CNTN6: variants seen among roughly 807,000 people sequenced by gnomAD.
The protein encoded by CNTN6 is contactin-6.
CNTN6 carries 137 observed loss-of-function variants against 122.8 expected under a neutral mutation model. The observed-to-expected ratio is 1.12, with a 90% CI of 0.97 to 1.29. The LOEUF is 1.29. Among genes scored for constraint, CNTN6 ranks in the 50% most tolerant of loss-of-function variants. The probability of loss-of-function intolerance (pLI) is 0.00; values close to 1 mark genes in which losing one functional copy is unlikely to be tolerated. For synonymous variants in CNTN6, 570 were observed against 426.0 expected (o/e 1.34, Z -4.16); for missense variants, 1,634 against 1,223.4 (o/e 1.34, Z -5.01).
intron 2 of CNTN6, among the ~76,000 whole-genome samples, chr3:1,159,124 T>C (rs2093062526): frequency 1.3e-5 from 2 of 151,704 alleles, no homozygotes. Flanking sequence ...ACCCAGGGCC[T>C]TGTAAGTCAT....
intron 4 of CNTN6, among the ~76,000 whole-genome samples, chr3:1,263,245 C>T (rs932702920): frequency 4.6e-5 from 7 of 152,166 alleles, no homozygotes; most frequent in African/African-American, 1.7e-4. Context: ...CCAAGCACTT[C>T]ATTCAAGCAC....
chr3:1,386,205 AAG>A (rs1212301033), intron 20 of CNTN6, among the ~76,000 whole-genome samples: 1 of 151,862 alleles, frequency 6.6e-6, no homozygotes, highest in African/African-American at 2.4e-5. Context: ...TCAAGATTGA[AAG>A]AGATTATTAA....
At chr3:1,260,834 A>G (rs1371806490) in intron 4 of CNTN6, among the ~76,000 whole-genome samples, 2 of 152,054 alleles carry the variant, frequency 1.3e-5, no homozygotes, top group African/African-American at 4.8e-5. Flanking sequence ...TTCTGCCATG[A>G]CTGTAAGTTT....
chr3:1,327,461 G>C lies in CNTN6; in HGVS notation c.1088G>C (p.Arg363Thr). Residue 363 changes from arginine to threonine, a missense_variant, in exon 10 of 23, where the codon AGA (arginine) becomes ACA (threonine). Transcript: ENST00000446702. ...KNGERLNPEERIQIENGTLII... is the reference protein window; with the variant it reads ...KNGERLNPEETIQIENGTLII... ...ATATGCCTTTTCCTTTATTAGGAGA[G>C]AATTCAAATAGAAAATGGGACACTC... The C allele has an allele frequency of 6.2e-7, 1 of 1,609,912 alleles. No homozygotes were observed. Among genetic ancestry groups the C allele is most frequent in the South Asian group, 1.1e-5 (1 of 90,868 alleles).
chr3:1,177,311 T>C (rs748181728), intron 2 of CNTN6, among the ~76,000 whole-genome samples: 1 of 152,216 alleles, frequency 6.6e-6, no homozygotes, highest in Non-Finnish European at 1.5e-5. Flanking sequence ...TCTACCTTAA[T>C]TTTCTCAAGT....
At chr3:1,188,027 C>A (rs914076605) in intron 2 of CNTN6, among the ~76,000 whole-genome samples, 8 of 152,098 alleles carry the variant, frequency 5.3e-5, no homozygotes, top group African/African-American at 1.9e-4. Flanking sequence ...CCTGCCAAAT[C>A]TTACTCTTTT....
At chr3:1,281,732 G>T (rs752833404) in intron 5 of CNTN6, among the ~76,000 whole-genome samples, 4 of 152,106 alleles carry the variant, frequency 2.6e-5, no homozygotes, top group African/African-American at 7.2e-5. Flanking sequence ...GCCATCGGGC[G>T]CAGCAAAGGC....
chr3:1,401,518 A>G lies in CNTN6; in HGVS notation c.2790A>G (p.Glu930=), dbSNP rs759283074. 204 of 1,611,432 alleles carry G rather than the reference A, an allele frequency of 1.3e-4. No individual in the cohort carries two copies. Among genetic ancestry groups the G allele is most frequent in the Non-Finnish European group, 1.7e-4 (196 of 1,178,330 alleles). The part of the protein sequence containing the change: ...CLNWEHVKTM[E]NESEVLGYKI... ...ACTGGGAGCATGTAAAAACCATGGAAAATGAGTCTGAAGTTTTGGGGTACA... is the reference window on the plus strand; with the variant it reads ...ACTGGGAGCATGTAAAAACCATGGAGAATGAGTCTGAAGTTTTGGGGTACA... Residue 930 remains glutamate (E), a synonymous_variant, in exon 21 of 23, where the codon GAA becomes GAG. Coordinates refer to ENST00000446702, the MANE Select transcript of CNTN6 (RefSeq NM_001289080.2).
intron 20 of CNTN6, chr3:1,394,060 A>T (rs1404418575): frequency 6.3e-6 from 1 of 159,752 alleles, no homozygotes; most frequent in African/African-American, 2.4e-5. Context: ...GTCACACAGC[A>T]ATGAAGGGGG....
chr3:1,385,849 A>C (rs1237886354), intron 20 of CNTN6, 52 bp downstream of exon 20: 1 of 1,452,318 alleles, frequency 6.9e-7, no homozygotes, highest in Non-Finnish European at 9.2e-7. Flanking sequence ...AGAGCAACCT[A>C]TTCCTTTGCT....
chr3:1,124,638 A>G (rs1434340672), intron 1 of CNTN6, among the ~76,000 whole-genome samples: 3 of 151,840 alleles, frequency 2.0e-5, no homozygotes, highest in Non-Finnish European at 4.4e-5. Context: ...CATCCCTGCT[A>G]AAGAACTTAT....
At chr3:1,303,806 T>C (rs1259831170) in intron 7 of CNTN6, among the ~76,000 whole-genome samples, 2 of 152,188 alleles carry the variant, frequency 1.3e-5, no homozygotes, top group African/African-American at 4.8e-5. Context: ...TTGAACTTTA[T>C]TTTGATAGGC....
rs182048886 is a variant in CNTN6, at chr3:1,373,528, A to G, written c.1787-76A>G. 115 of 1,431,380 alleles carry G rather than the reference A, an allele frequency of 8.0e-5. No individual in the cohort carries two copies. The African/African-American group carries it at 1.5e-3, about 19-fold the overall frequency. The allele number at this position is 1,431,380 out of a possible 1,614,324, so 88.7% of individuals were successfully genotyped here. The stretch of plus-strand genomic sequence containing the variant: ...TTTTACTTCCTAAGCACAACAGGTA[A>G]AAATAAACCATCCTAGTACCAAATT... On this transcript the variant is annotated intron_variant, in intron 14 of 22. Transcript: ENST00000446702.
At chr3:1,193,827 C>G (rs761689168) in intron 2 of CNTN6, among the ~76,000 whole-genome samples, 13 of 152,028 alleles carry the variant, frequency 8.6e-5, no homozygotes, top group African/African-American at 1.4e-4. Context: ...AAAGTCAAAG[C>G]ATAATTTATA....
chr3:1,209,078 CTCT>C (rs1201960521), intron 2 of CNTN6, among the ~76,000 whole-genome samples: 1 of 152,112 alleles, frequency 6.6e-6, no homozygotes. Context: ...TGCTAATGAA[CTCT>C]TCTTATTATA....
intron 2 of CNTN6, among the ~76,000 whole-genome samples, chr3:1,177,349 A>C (rs2093470471): frequency 6.6e-6 from 1 of 152,172 alleles, no homozygotes; most frequent in Non-Finnish European, 1.5e-5. Flanking sequence ...ATTGAAAGAG[A>C]ATAGTCTTTT....
At chr3:1,246,308 A>G (rs1212881778) in intron 4 of CNTN6, among the ~76,000 whole-genome samples, 1 of 152,140 alleles carries the variant, frequency 6.6e-6, no homozygotes, top group Non-Finnish European at 1.5e-5. Context: ...TATATAATAT[A>G]TTGCTTCAAG....
chr3:1,196,690 C>T (rs1454240402), intron 2 of CNTN6, among the ~76,000 whole-genome samples: 1 of 152,124 alleles, frequency 6.6e-6, no homozygotes, highest in African/African-American at 2.4e-5. Context: ...GCTTCATACT[C>T]AATAAAGTGT....
rs190329041 is a variant in CNTN6 at position 1,167,079 on chromosome 3, A to G, written c.55+19016A>G. Reference sequence around the variant, plus strand: ...AAAAAAAAGAAACAGTGGTTGTGAGAGAACAGTGCAGTAGAGTGGTAGGGA... The same window carrying G: ...AAAAAAAAGAAACAGTGGTTGTGAGGGAACAGTGCAGTAGAGTGGTAGGGA... On this transcript the variant is annotated intron_variant, in intron 2 of 22. Transcript: ENST00000446702. Among the ~76,000 whole-genome samples the G allele has an allele frequency of 4.0e-3, 608 of 151,966 alleles. 12 individuals are homozygous for G. The highest frequency in any genetic ancestry group is 6.0e-3 in the Non-Finnish European group (407 of 67,934).
Sources: allele counts gnomAD v4.1 joint callset (sites outside exome capture counted in the v4.1 genomes callset), GRCh38; gene constraint gnomAD v4.1.1; transcripts MANE v1.5; gene names NCBI Gene and HGNC (gene_info 2026-07-23, HGNC 2026-07-21).